Variants in INSL6 observed in about 807,000 individuals in gnomAD.
The protein encoded by INSL6 is insulin-like peptide INSL6.
INSL6 carries 16 observed loss-of-function variants against 9.4 expected under a neutral mutation model. The ratio of observed to expected loss-of-function variants is 1.70; its 90% CI spans 1.15 to 2.59. The LOEUF (loss-of-function observed/expected upper bound fraction) is 2.59, where lower values mean the gene tolerates loss of function less well. INSL6 is among the 30% of genes most tolerant of loss of function. The pLI, the probability that INSL6 is intolerant of heterozygous loss-of-function variation, is 0.00. For synonymous variants in INSL6, 154 were observed against 96.9 expected, an observed-to-expected ratio of 1.59 and a Z score of -3.46; for missense variants, 391 against 257.3, an observed-to-expected ratio of 1.52 and a Z score of -3.56.
At chr9:5,079,223 T>A in the INSL6 span, among the ~76,000 whole-genome samples, 1 of 152,308 alleles carries the variant, frequency 6.6e-6, no homozygotes, top group South Asian at 2.1e-4. Context: ...TCCTTTGGAA[T>A]CGGAAGTGAA....
the INSL6 span, chr9:5,090,830 GAGATTTTGGGTTAACCAAAGT>G: frequency 6.2e-7 from 1 of 1,613,418 alleles, no homozygotes; most frequent in Non-Finnish European, 8.5e-7. Context: ...GTTAAAATTG[GAGATTTTGGGTTAACCAAAGT>G]CTTGCCACAA....
At chr9:5,162,109 T>C (rs1425440526), downstream of INSL6, among the ~76,000 whole-genome samples, 2 of 152,086 alleles carry the variant, frequency 1.3e-5, no homozygotes, top group Non-Finnish European at 2.9e-5. Flanking sequence ...TAAGATTTTA[T>C]TGACATCAGT....
the INSL6 span, among the ~76,000 whole-genome samples, chr9:5,076,528 G>GT: frequency 7.9e-5 from 12 of 151,792 alleles, no homozygotes; most frequent in Admixed American, 1.3e-4. Context: ...TATATTCTTT[G>GT]TTTTTTTTAA....
the INSL6 span, among the ~76,000 whole-genome samples, chr9:5,059,435 C>T: frequency 3.6e-3 from 552 of 152,188 alleles, 3 homozygotes; most frequent in African/African-American, 0.013. Flanking sequence ...AATTGTTTGA[C>T]TGTACCTCAA....
chr9:5,064,278 C>T, the INSL6 span, among the ~76,000 whole-genome samples: 1 of 152,026 alleles, frequency 6.6e-6, no homozygotes, highest in South Asian at 2.1e-4. Flanking sequence ...GCCTGTAACC[C>T]CAACACTTTG....
At chr9:5,130,853 C>G (rs1394783590) in intron 3 of INSL6, among the ~76,000 whole-genome samples, 1 of 150,708 alleles carries the variant, frequency 6.6e-6, no homozygotes, top group African/African-American at 2.4e-5. Context: ...CTCAGCCTCC[C>G]GCGTAGCTGG....
downstream of INSL6, among the ~76,000 whole-genome samples, chr9:5,123,636 C>A (rs185327519): frequency 6.6e-5 from 10 of 151,898 alleles, no homozygotes; most frequent in East Asian, 1.9e-3. Context: ...CTTTTTGATA[C>A]AGTGATTTCT....
At chr9:5,054,209 C>G in the INSL6 span, among the ~76,000 whole-genome samples, 1 of 151,818 alleles carries the variant, frequency 6.6e-6, no homozygotes, top group African/African-American at 2.4e-5. This position sits in a 1 kb window ranked among gnomAD's most constrained non-coding sequence, Gnocchi z 4.9. Flanking sequence ...TCAATATATG[C>G]CAAAATATTA....
At chr9:5,028,886 T>G in the INSL6 span, among the ~76,000 whole-genome samples, 1 of 152,262 alleles carries the variant, frequency 6.6e-6, no homozygotes, top group Admixed American at 6.5e-5. Flanking sequence ...TGGTTTGATC[T>G]TCTATCTAGA....
chr9:5,125,323 G>A (rs1823905251), intron 3 of INSL6, among the ~76,000 whole-genome samples: 1 of 151,052 alleles, frequency 6.6e-6, no homozygotes, highest in African/African-American at 2.4e-5. Context: ...GTTTCATGAA[G>A]TATTACAGCA....
the INSL6 span, among the ~76,000 whole-genome samples, chr9:5,081,320 A>G: frequency 6.6e-6 from 1 of 151,044 alleles, no homozygotes; most frequent in African/African-American, 2.4e-5. Flanking sequence ...CTCATATTTT[A>G]TAATTGATTG....
At chr9:5,064,962 C>G in the INSL6 span, 1 of 1,605,992 alleles carries the variant, frequency 6.2e-7, no homozygotes. Flanking sequence ...ACTGCAGATG[C>G]ACATCATTAC....
intron 2 of INSL6, among the ~76,000 whole-genome samples, chr9:5,151,721 A>G (rs1824716997): frequency 6.6e-6 from 1 of 152,190 alleles, no homozygotes; most frequent in Non-Finnish European, 1.5e-5. Context: ...ATAGAATGCA[A>G]AAAAGGACAA....
chr9:5,108,721 GA>G, the INSL6 span: 1 of 151,956 alleles, frequency 6.6e-6, no homozygotes, highest in Middle Eastern at 3.2e-3. Flanking sequence ...CTATCCCTAT[GA>G]GGGATAGTTA....
chr9:5,079,467 C>T, the INSL6 span, among the ~76,000 whole-genome samples: 1 of 151,578 alleles, frequency 6.6e-6, no homozygotes. Context: ...ATTTAGCCTT[C>T]CATCTGCCAT....
chr9:5,089,727 TG>T, the INSL6 span: 1 of 1,579,864 alleles, frequency 6.3e-7, no homozygotes, highest in South Asian at 1.2e-5. Flanking sequence ...AGGACAACAC[TG>T]GGGAGGTGGT....
intron 1 of INSL6, among the ~76,000 whole-genome samples, chr9:5,184,438 C>G (rs999962022): frequency 1.7e-4 from 26 of 152,190 alleles, no homozygotes; most frequent in Middle Eastern, 3.4e-3. Flanking sequence ...TAAGATATAC[C>G]AATGAATCTG....
chr9:5,016,133 C>G, the INSL6 span, among the ~76,000 whole-genome samples: 1 of 152,148 alleles, frequency 6.6e-6, no homozygotes, highest in African/African-American at 2.4e-5. Flanking sequence ...GGAAGGGGAA[C>G]CTCCCGCCAA....
the INSL6 span, chr9:5,111,386 A>C: frequency 6.2e-5 from 23 of 370,430 alleles, 1 homozygote; most frequent in Middle Eastern, 7.4e-4. Flanking sequence ...GCTCTGGCGG[A>C]CAGAGGCGGA....
Sources: allele counts gnomAD v4.1 joint callset (sites outside exome capture counted in the v4.1 genomes callset), GRCh38; gene constraint gnomAD v4.1.1; non-coding constraint Gnocchi (gnomAD v3.1); transcripts MANE v1.5; gene names NCBI Gene and HGNC (gene_info 2026-07-23, HGNC 2026-07-21).